Variants in GABRG3 observed in about 807,000 individuals in gnomAD.
The protein encoded by GABRG3 is gamma-aminobutyric acid type A receptor subunit gamma3, also known as gamma-aminobutyric acid receptor subunit gamma-3.
A neutral mutation model predicts 48.8 loss-of-function variants in GABRG3; 25 were observed. That is an observed-to-expected ratio of 0.51 (90% CI 0.37 to 0.72). The LOEUF is 0.72. Among genes scored for constraint, GABRG3 ranks in the 30% least tolerant of loss-of-function variants. GABRG3 has a pLI of 0.00. For synonymous variants in GABRG3, 227 were observed against 217.6 expected (o/e 1.04, Z -0.38); for missense variants, 394 against 577.9 (o/e 0.68, Z 3.26).
chr15:27,138,165 C>T (rs1393689271), intron 3 of GABRG3, among the ~76,000 whole-genome samples: 3 of 152,154 alleles, frequency 2.0e-5, no homozygotes, highest in Admixed American at 2.0e-4. Flanking sequence ...ATATTTATGC[C>T]TGTAGTTCAG....
chr15:27,522,866 T>A (rs1891191017), intron 7 of GABRG3, among the ~76,000 whole-genome samples: 1 of 151,896 alleles, frequency 6.6e-6, no homozygotes, highest in South Asian at 2.1e-4. Flanking sequence ...GATATTTAAA[T>A]ATACTTCTAT....
chr15:27,379,693 G>A (rs1440492730), intron 5 of GABRG3, among the ~76,000 whole-genome samples: 1 of 152,156 alleles, frequency 6.6e-6, no homozygotes, highest in Non-Finnish European at 1.5e-5. Flanking sequence ...GATGCAGAAT[G>A]CTAGATGGGT....
chr15:27,366,640 A>G (rs886909899), intron 5 of GABRG3, among the ~76,000 whole-genome samples: 4 of 152,008 alleles, frequency 2.6e-5, no homozygotes, highest in Non-Finnish European at 5.9e-5. Context: ...CTGTGTCTTC[A>G]CGGGGGTGAG....
At chr15:27,039,404 G>T (rs1896235557) in intron 3 of GABRG3, among the ~76,000 whole-genome samples, 1 of 152,144 alleles carries the variant, frequency 6.6e-6, no homozygotes, top group Non-Finnish European at 1.5e-5. Context: ...AGAGAGGAAG[G>T]TACAGGAGTG....
intron 5 of GABRG3, among the ~76,000 whole-genome samples, chr15:27,468,064 G>A (rs1471411198): frequency 1.3e-5 from 2 of 152,152 alleles, no homozygotes; most frequent in African/African-American, 4.8e-5. Context: ...TCAAATCAAC[G>A]GTCACAGTAC....
intron 3 of GABRG3, among the ~76,000 whole-genome samples, chr15:27,109,574 G>A (rs905489020): frequency 6.6e-6 from 1 of 152,130 alleles, no homozygotes; most frequent in Non-Finnish European, 1.5e-5. Context: ...AATACTCAGA[G>A]TTGTCATATT....
intron 3 of GABRG3, among the ~76,000 whole-genome samples, chr15:27,291,872 T>A (rs1891804082): frequency 6.6e-6 from 1 of 152,200 alleles, no homozygotes; most frequent in South Asian, 2.1e-4. Context: ...TGATCAGATG[T>A]ATGTGTGTGA....
At chr15:27,135,181 A>G (rs999715835) in intron 3 of GABRG3, among the ~76,000 whole-genome samples, 1 of 152,202 alleles carries the variant, frequency 6.6e-6, no homozygotes, top group African/African-American at 2.4e-5. Context: ...CTTTTCTATC[A>G]TGGTAAATTT....
chr15:27,354,934 C>T (rs562077391), intron 5 of GABRG3, among the ~76,000 whole-genome samples: 1 of 152,330 alleles, frequency 6.6e-6, no homozygotes, highest in East Asian at 1.9e-4. Flanking sequence ...AGGCCATTCT[C>T]TGTTCATGCC....
At chr15:27,136,897 C>A (rs1193638528) in intron 3 of GABRG3, among the ~76,000 whole-genome samples, 3 of 152,062 alleles carry the variant, frequency 2.0e-5, no homozygotes, top group Non-Finnish European at 4.4e-5. Context: ...TCCTGTCGCC[C>A]CCGCCTCCAG....
chr15:27,055,916 T>C (rs1043713429), intron 3 of GABRG3, among the ~76,000 whole-genome samples: 1 of 152,206 alleles, frequency 6.6e-6, no homozygotes, highest in African/African-American at 2.4e-5. Context: ...ATTATTTTAA[T>C]TGGCAAATAA....
intron 3 of GABRG3, among the ~76,000 whole-genome samples, chr15:27,207,111 G>A (rs1888879876): frequency 1.3e-5 from 2 of 152,188 alleles, no homozygotes; most frequent in African/African-American, 4.8e-5. Flanking sequence ...TGGTGGTTAT[G>A]TAGACTTGAT....
At chr15:27,069,334 A>G (rs973614885) in intron 3 of GABRG3, among the ~76,000 whole-genome samples, 1 of 152,222 alleles carries the variant, frequency 6.6e-6, no homozygotes, top group African/African-American at 2.4e-5. Flanking sequence ...GAGGCAGGCT[A>G]CATCCCTCTA....
intron 5 of GABRG3, among the ~76,000 whole-genome samples, chr15:27,403,767 C>G (rs983781063): frequency 1.3e-5 from 2 of 148,340 alleles, no homozygotes; most frequent in Non-Finnish European, 3.0e-5. Context: ...AAAAAATTAG[C>G]TGGGCGTGGT....
intron 3 of GABRG3, among the ~76,000 whole-genome samples, chr15:27,082,946 A>C (rs1166669907): frequency 6.6e-6 from 1 of 152,200 alleles, no homozygotes; most frequent in African/African-American, 2.4e-5. Flanking sequence ...CTTCTACTAC[A>C]GAATTCTCAG....
intron 3 of GABRG3, among the ~76,000 whole-genome samples, chr15:27,202,787 C>A (rs1888729976): frequency 6.6e-6 from 1 of 152,080 alleles, no homozygotes; most frequent in Non-Finnish European, 1.5e-5. Flanking sequence ...TGCTCTTTGA[C>A]TATTATGAAC....
In GABRG3 at chr15:26,971,268, C is replaced by A. The variant is rs1184983778; in HGVS notation, c.-268C>A. ...CGGCGCCGCGCCAGGGGGTCCCCGGCGCCCATTGCTCCCGCCGCCCGGTTG... is the reference window on the plus strand; with the variant it reads ...CGGCGCCGCGCCAGGGGGTCCCCGGAGCCCATTGCTCCCGCCGCCCGGTTG... On this transcript the variant is annotated 5_prime_UTR_variant, in exon 1 of 10. Coordinates refer to ENST00000615808, the MANE Select transcript of GABRG3 (RefSeq NM_033223.5). The A allele has an allele frequency of 6.4e-6, 1 of 155,198 alleles. No individual in the cohort carries two copies. 9.6% of individuals were successfully genotyped at this position (155,198 alleles called of 1,614,324 possible). A position where few individuals can be genotyped will look rare whatever the true frequency, so the allele number is the denominator to read the frequency against.
chr15:27,130,958 T>A (rs1480929516), intron 3 of GABRG3, among the ~76,000 whole-genome samples: 1 of 152,108 alleles, frequency 6.6e-6, no homozygotes. Context: ...TAGGCTTTTC[T>A]ACATATAAAA....
chr15:27,237,003 G>A lies in GABRG3; in HGVS notation c.271-89806G>A, dbSNP rs186183738. Among the ~76,000 whole-genome samples the A allele has an allele frequency of 2.2e-3, 335 of 152,332 alleles. 5 individuals are homozygous for A. Among genetic ancestry groups the A allele is most frequent in the African/African-American group, 7.7e-3 (319 of 41,582 alleles). On this transcript the variant is annotated intron_variant, in intron 3 of 9. Coordinates refer to ENST00000615808, the MANE Select transcript of GABRG3 (RefSeq NM_033223.5). ...AGGACGGCCACCCGTATGAAATAAA[G>A]CTCTCCTTTCCAAATGGATCGACCT...
Sources: gnomAD v4.1 joint callset for allele counts (sites outside exome capture counted in the v4.1 genomes callset) on GRCh38, gnomAD v4.1.1 for gene constraint, MANE v1.5 for transcripts, NCBI Gene and HGNC (gene_info 2026-07-23, HGNC 2026-07-21) for gene names.